FRMD3: variants seen among roughly 807,000 people sequenced by gnomAD.
The protein encoded by FRMD3 is FERM domain containing 3, also known as FERM domain-containing protein 3.
FRMD3 carries 33 observed loss-of-function variants against 70.2 expected under a neutral mutation model. That is an observed-to-expected ratio of 0.47 (90% CI 0.36 to 0.63). The LOEUF is 0.63. FRMD3 is among the 20% of genes least tolerant of loss of function. The pLI is 0.00. For synonymous variants in FRMD3, 279 were observed against 255.9 expected (o/e 1.09, Z -0.86); for missense variants, 632 against 711.4 (o/e 0.89, Z 1.27).
chr9:83,243,813 A>G (rs546678191), downstream of FRMD3, among the ~76,000 whole-genome samples: 2 of 152,192 alleles, frequency 1.3e-5, no homozygotes, highest in Admixed American at 1.3e-4. Context: ...TTTCATTCCA[A>G]GTAACACCTT....
chr9:83,310,389 G>A (rs1835305936), intron 9 of FRMD3, 96 bp downstream of exon 9: 2 of 956,568 alleles, frequency 2.1e-6, no homozygotes, highest in South Asian at 1.4e-5. Flanking sequence ...TCAAAGTCAT[G>A]GTCTTTGGCG....
At chr9:83,354,219 C>T (rs1824263698) in intron 3 of FRMD3, among the ~76,000 whole-genome samples, 1 of 152,160 alleles carries the variant, frequency 6.6e-6, no homozygotes, top group South Asian at 2.1e-4. Flanking sequence ...AGCCACTGTG[C>T]CTGGCCAAAA....
chr9:83,338,419 GT>G (rs996129287), intron 5 of FRMD3, among the ~76,000 whole-genome samples: 2 of 151,932 alleles, frequency 1.3e-5, no homozygotes, highest in Admixed American at 6.6e-5. Context: ...TATGTTCAAG[GT>G]TTTTTTTATG....
chr9:83,283,979 G>C (rs548271003), intron 13 of FRMD3, among the ~76,000 whole-genome samples: 2 of 151,558 alleles, frequency 1.3e-5, no homozygotes, highest in South Asian at 4.2e-4. Context: ...CTGGATAACT[G>C]CAACTGCATT....
chr9:83,334,876 G>C (rs1277579567), intron 6 of FRMD3, among the ~76,000 whole-genome samples: 1 of 152,100 alleles, frequency 6.6e-6, no homozygotes, highest in African/African-American at 2.4e-5. Flanking sequence ...TCTGTGCCTC[G>C]GTTCCCTCAT....
chr9:83,498,321 T>C (rs1828988147), intron 1 of FRMD3, among the ~76,000 whole-genome samples: 1 of 152,224 alleles, frequency 6.6e-6, no homozygotes, highest in Non-Finnish European at 1.5e-5. Flanking sequence ...TATCCACTCA[T>C]GTAGAGACCA....
chr9:83,529,311 A>C (rs1156948798), intron 1 of FRMD3, among the ~76,000 whole-genome samples: 1 of 152,260 alleles, frequency 6.6e-6, no homozygotes, highest in Non-Finnish European at 1.5e-5. Flanking sequence ...ACCTCACACC[A>C]TACACAAAAA....
intron 10 of FRMD3, among the ~76,000 whole-genome samples, chr9:83,306,322 C>T (rs1170426609): frequency 6.6e-6 from 1 of 152,168 alleles, no homozygotes; most frequent in Non-Finnish European, 1.5e-5. Flanking sequence ...TGATCAACCA[C>T]ACCTACTGCA....
intron 12 of FRMD3, among the ~76,000 whole-genome samples, chr9:83,294,376 G>T (rs1834572094): frequency 1.3e-5 from 2 of 152,050 alleles, no homozygotes; most frequent in African/African-American, 4.8e-5. Flanking sequence ...CAACCCAACT[G>T]GACTAATAAA....
chr9:83,492,369 CT>C (rs67978107), intron 1 of FRMD3, among the ~76,000 whole-genome samples: 23,485 of 152,142 alleles, frequency 0.15, 2,090 homozygotes, highest in East Asian at 0.33. Context: ...AAAAAGAAAA[CT>C]CGTCTTATTG....
At chr9:83,340,007 G>A (rs1352291791) in intron 5 of FRMD3, among the ~76,000 whole-genome samples, 2 of 152,144 alleles carry the variant, frequency 1.3e-5, no homozygotes, top group Non-Finnish European at 1.5e-5. Context: ...TGGTTAATCA[G>A]GGCAAGTTTG....
At chr9:83,385,079 A>G (rs1290797306) in intron 2 of FRMD3, among the ~76,000 whole-genome samples, 9 of 152,186 alleles carry the variant, frequency 5.9e-5, no homozygotes, top group Admixed American at 5.9e-4. Context: ...AACCATAGCT[A>G]TGGAAACTAG....
At chr9:83,583,206 C>G in the FRMD3 span, among the ~76,000 whole-genome samples, 1 of 152,054 alleles carries the variant, frequency 6.6e-6, no homozygotes, top group African/African-American at 2.4e-5. Flanking sequence ...AAAATTTGTC[C>G]TGGTAAAAAT....
chr9:83,570,460 A>T, the FRMD3 span, among the ~76,000 whole-genome samples: 3 of 152,224 alleles, frequency 2.0e-5, no homozygotes. Context: ...CTACTGTTGC[A>T]TAACAAATTA....
upstream of FRMD3, among the ~76,000 whole-genome samples, chr9:83,542,315 C>T (rs1277129325): frequency 1.3e-5 from 2 of 152,198 alleles, no homozygotes; most frequent in Admixed American, 1.3e-4. Flanking sequence ...GTAAATATTG[C>T]ATCTTGAATT....
intron 1 of FRMD3, among the ~76,000 whole-genome samples, chr9:83,492,496 A>G (rs57556464): frequency 6.6e-6 from 1 of 152,130 alleles, no homozygotes; most frequent in African/African-American, 2.4e-5. Flanking sequence ...CTTCCTTCCC[A>G]CCTGCACCTC....
intron 6 of FRMD3, chr9:83,331,897 C>A: frequency 2.8e-6 from 2 of 717,426 alleles, no homozygotes; most frequent in Non-Finnish European, 5.2e-6. Flanking sequence ...TGGGTAAGAT[C>A]TTGGGATGAG....
rs912016889 is a variant in FRMD3 at position 83,445,282 on chromosome 9, C to T, written c.148-55574G>A. Among the ~76,000 whole-genome samples, 3 of 151,444 alleles carry T rather than the reference C, an allele frequency of 2.0e-5. No individual in the cohort carries two copies. The South Asian group carries it at 6.3e-4, about 32-fold the overall frequency. Reference sequence around the variant, plus strand: ...CCAGGAGGCGGAGGTTGCAGTGAGCCGAGATCACACCACTGCACTCCAGCC... The same window carrying T: ...CCAGGAGGCGGAGGTTGCAGTGAGCTGAGATCACACCACTGCACTCCAGCC... On this transcript the variant is annotated intron_variant, in intron 1 of 13. Transcript: ENST00000304195.
At chr9:83,393,207 TC>T (rs1825716065) in intron 1 of FRMD3, among the ~76,000 whole-genome samples, 1 of 152,350 alleles carries the variant, frequency 6.6e-6, no homozygotes, top group Non-Finnish European at 1.5e-5. Flanking sequence ...TCAATACTGG[TC>T]CTTATTATCT....
Sources: allele counts gnomAD v4.1 joint callset (sites outside exome capture counted in the v4.1 genomes callset), GRCh38; gene constraint gnomAD v4.1.1; transcripts MANE v1.5; gene names NCBI Gene and HGNC (gene_info 2026-07-23, HGNC 2026-07-21).